Variants in DENND1A observed in about 807,000 individuals in gnomAD.
The protein encoded by DENND1A is DENN domain containing 1A.
DENND1A carries 51 observed loss-of-function variants against 113.7 expected under a neutral mutation model. The observed-to-expected ratio is 0.45, with a 90% CI of 0.36 to 0.57. The LOEUF (loss-of-function observed/expected upper bound fraction) is 0.57, where lower values mean the gene tolerates loss of function less well. Among genes scored for constraint, DENND1A ranks in the 20% least tolerant of loss-of-function variants. The pLI, the probability that DENND1A is intolerant of heterozygous loss-of-function variation, is 0.00. For synonymous variants in DENND1A, 565 were observed against 570.8 expected (o/e 0.99, Z 0.14); for missense variants, 1,258 against 1,395.9 (o/e 0.90, Z 1.57).
chr9:123,617,587 A>G (rs1305212796), intron 10 of DENND1A, among the ~76,000 whole-genome samples: 1 of 152,232 alleles, frequency 6.6e-6, no homozygotes, highest in African/African-American at 2.4e-5. Context: ...AATTCTGGAG[A>G]GGTCAACATC....
At chr9:123,917,667 A>C (rs1190566215) in intron 1 of DENND1A, among the ~76,000 whole-genome samples, 1 of 152,084 alleles carries the variant, frequency 6.6e-6, no homozygotes. Context: ...CATCCCCAAA[A>C]GTCCTAAATC....
intron 1 of DENND1A, among the ~76,000 whole-genome samples, chr9:123,915,319 T>C (rs1182290009): frequency 6.6e-6 from 1 of 152,170 alleles, no homozygotes; most frequent in Non-Finnish European, 1.5e-5. Context: ...AGTTAAATAC[T>C]TATATTTAAA....
chr9:123,899,447 A>G (rs1031186371), intron 1 of DENND1A, among the ~76,000 whole-genome samples: 2 of 152,206 alleles, frequency 1.3e-5, no homozygotes, highest in African/African-American at 4.8e-5. Context: ...TTTGGAAGCT[A>G]GACAAAGGTG....
At chr9:123,805,437 A>G (rs1030600462) in intron 2 of DENND1A, among the ~76,000 whole-genome samples, 1 of 145,864 alleles carries the variant, frequency 6.9e-6, no homozygotes, top group African/African-American at 2.5e-5. Context: ...AATTTATACA[A>G]TTTTTTTTTT....
chr9:123,923,467 GA>G (rs1410128821), intron 1 of DENND1A, among the ~76,000 whole-genome samples: 1 of 152,198 alleles, frequency 6.6e-6, no homozygotes, highest in East Asian at 1.9e-4. Flanking sequence ...AGAAGGCCTG[GA>G]AGGAAGTCAC....
chr9:123,432,108 A>G (rs1227061796), intron 19 of DENND1A, among the ~76,000 whole-genome samples: 2 of 152,202 alleles, frequency 1.3e-5, no homozygotes, highest in Non-Finnish European at 2.9e-5. Context: ...CTATAACGAG[A>G]GGAATACCAC....
intron 2 of DENND1A, among the ~76,000 whole-genome samples, chr9:123,874,680 C>A (rs1031823678): frequency 2.0e-5 from 3 of 152,094 alleles, no homozygotes; most frequent in African/African-American, 7.2e-5. Flanking sequence ...AGAAGGGGTT[C>A]AATCTCATTA....
intron 5 of DENND1A, among the ~76,000 whole-genome samples, chr9:123,739,037 A>G (rs1213497049): frequency 6.6e-6 from 1 of 152,238 alleles, no homozygotes; most frequent in African/African-American, 2.4e-5. Flanking sequence ...AGAATGTCAC[A>G]TTCCAGCCTT....
intron 1 of DENND1A, among the ~76,000 whole-genome samples, chr9:123,929,203 G>A (rs1857589573): frequency 6.6e-6 from 1 of 152,196 alleles, no homozygotes; most frequent in African/African-American, 2.4e-5. Context: ...CCCTCCACCG[G>A]GAACTCCAGG....
At chr9:123,725,321 C>T (rs575176513) in intron 5 of DENND1A, among the ~76,000 whole-genome samples, 32 of 152,288 alleles carry the variant, frequency 2.1e-4, no homozygotes, top group African/African-American at 7.5e-4. Flanking sequence ...CTGAATGGCT[C>T]AGGTCTTTGA....
At chr9:123,551,239 C>T (rs2057026326) in intron 13 of DENND1A, among the ~76,000 whole-genome samples, 1 of 152,212 alleles carries the variant, frequency 6.6e-6, no homozygotes, top group East Asian at 1.9e-4. Context: ...CAGGAAGCAG[C>T]AACCTCTGAA....
intron 2 of DENND1A, among the ~76,000 whole-genome samples, chr9:123,854,545 A>G (rs1181010400): frequency 6.6e-6 from 1 of 151,950 alleles, no homozygotes; most frequent in Non-Finnish European, 1.5e-5. Context: ...AAATACAAAA[A>G]TTAGCCGGGT....
chr9:123,451,912 G>A (rs547247854), intron 17 of DENND1A, among the ~76,000 whole-genome samples: 9 of 152,068 alleles, frequency 5.9e-5, no homozygotes, highest in African/African-American at 1.7e-4. Context: ...GAGTCTCATC[G>A]CTTGGCTGGG....
intron 21 of DENND1A, among the ~76,000 whole-genome samples, chr9:123,395,117 G>A (rs1366138009): frequency 6.6e-6 from 1 of 152,184 alleles, no homozygotes; most frequent in African/African-American, 2.4e-5. Flanking sequence ...GTGGCATCTG[G>A]AAGAGGCAGA....
In DENND1A at chr9:123,748,793, A is replaced by G. The variant is rs78467746; in HGVS notation, c.302+8910T>C. Among the ~76,000 whole-genome samples the G allele has an allele frequency of 1.5e-3, 234 of 152,318 alleles. 1 individual carries two copies. Among genetic ancestry groups the G allele is most frequent in the African/African-American group, 5.4e-3 (223 of 41,562 alleles). On this transcript the variant is annotated intron_variant, in intron 5 of 23. Coordinates refer to ENST00000394215, the MANE Select transcript of DENND1A (RefSeq NM_001352964.2). ...GAAAAATTGTTGACACTCAAACTCA[A>G]TCAAAAAGCACCGAGGAGCCTCTCC...
chr9:123,889,711 AC>A (rs1849623702), intron 1 of DENND1A, among the ~76,000 whole-genome samples: 1 of 152,154 alleles, frequency 6.6e-6, no homozygotes, highest in African/African-American at 2.4e-5. Flanking sequence ...GGTGGCTCAT[AC>A]CTGTAATTCC....
At chr9:123,615,360 G>A (rs1054434913) in intron 10 of DENND1A, among the ~76,000 whole-genome samples, 3 of 152,210 alleles carry the variant, frequency 2.0e-5, no homozygotes, top group Admixed American at 6.5e-5. Context: ...CCCATGATAC[G>A]GGGATCAAGC....
At chr9:123,442,763 G>C (rs1172297196) in intron 18 of DENND1A, among the ~76,000 whole-genome samples, 1 of 152,122 alleles carries the variant, frequency 6.6e-6, no homozygotes, top group East Asian at 1.9e-4. Flanking sequence ...GTCTAGTTTT[G>C]TTTTTCCCAT....
At chr9:123,713,435 T>C (rs1353806143) in intron 5 of DENND1A, among the ~76,000 whole-genome samples, 2 of 152,224 alleles carry the variant, frequency 1.3e-5, no homozygotes, top group African/African-American at 4.8e-5. Flanking sequence ...GATTTCACTA[T>C]GTTCAGAACA....
Sources: gnomAD v4.1 joint callset for allele counts (sites outside exome capture counted in the v4.1 genomes callset) on GRCh38, gnomAD v4.1.1 for gene constraint, MANE v1.5 for transcripts, NCBI Gene and HGNC (gene_info 2026-07-23, HGNC 2026-07-21) for gene names.